IPO9: variants seen among roughly 807,000 people sequenced by gnomAD.
The protein encoded by IPO9 is importin 9.
In IPO9, 28 loss-of-function variants were observed where a neutral mutation model predicts 128.6. That is an observed-to-expected ratio of 0.22 (90% confidence interval 0.16 to 0.30). The LOEUF (loss-of-function observed/expected upper bound fraction) is 0.30, where lower values mean the gene tolerates loss of function less well. Ranked by LOEUF, IPO9 falls within the 10% of genes least tolerant of loss-of-function variation. IPO9 has a pLI of 1.00. For synonymous variants in IPO9, 455 were observed against 475.8 expected (o/e 0.96, Z 0.57); for missense variants, 935 against 1,293.9 (o/e 0.72, Z 4.26).
At chr1:201,831,223 A>G (rs1679826941) in intron 1 of IPO9, among the ~76,000 whole-genome samples, 1 of 152,192 alleles carries the variant, frequency 6.6e-6, no homozygotes. Context: ...ATTTTGATCT[A>G]AGTCACTGAT....
Position 201,876,198 on chromosome 1 carries a change from C to T in IPO9, c.*144C>T, listed in dbSNP as rs1189324612. On this transcript the variant is annotated 3_prime_UTR_variant, in exon 24 of 24. Coordinates refer to ENST00000361565, the MANE Select transcript of IPO9 (RefSeq NM_018085.5). ...TTGGCCTCGGCAGTGACACTGATGA[C>T]AATTCAGACCAGGCTCACCGGTGCC... is the stretch of plus-strand genomic sequence containing the variant. The T allele has an allele frequency of 2.7e-6, 2 of 751,232 alleles. No homozygotes were observed. The highest frequency in any genetic ancestry group is 2.8e-5 in the South Asian group (2 of 71,380). 46.5% of individuals were successfully genotyped at this position (751,232 alleles called of 1,614,324 possible). A position where few individuals can be genotyped will look rare whatever the true frequency, so the allele number is the denominator to read the frequency against.
At chr1:201,842,784 G>C (rs1680056744) in intron 1 of IPO9, among the ~76,000 whole-genome samples, 1 of 152,188 alleles carries the variant, frequency 6.6e-6, no homozygotes, top group Non-Finnish European at 1.5e-5. Flanking sequence ...GTGTCTCCCA[G>C]GGTGAGGCTG....
Position 201,876,753 on chromosome 1 carries a change from A to AG in IPO9, c.*700dup, listed in dbSNP as rs1176313901. The AG allele has an allele frequency of 4.1e-4, 33 of 79,836 alleles. No homozygotes were observed. Among genetic ancestry groups the AG allele is most frequent in the Admixed American group, 3.3e-3 (24 of 7,322 alleles). 4.9% of individuals were successfully genotyped at this position (79,836 alleles called of 1,614,324 possible). ...GATGGCAATTTGATCTTCCTTTTTT[A>AG]GAAAAAAAAAAAAAAATGGGGAAAA... On this transcript the variant is annotated 3_prime_UTR_variant, in exon 24 of 24. Transcript: ENST00000361565.
rs1346295244 is a variant in IPO9, at chr1:201,858,941, T to A, written c.1415T>A (p.Phe472Tyr). 6.2e-7 allele frequency: 1 copy of A among 1,612,848 alleles called. No individual in the cohort carries two copies. Among genetic ancestry groups the A allele is most frequent in the African/African-American group, 1.3e-5 (1 of 74,868 alleles). The change falls in exon 13 of 24, where the codon TTT becomes TAT. Residue 472 changes from phenylalanine to tyrosine, a missense_variant. Physicochemically the swap from Phe to Tyr is conservative, Grantham distance 22. Transcript: ENST00000361565. ...AGTGTGAAAAATGGCAGGATTCATT[T>A]TGACATGCATGGGTTCCTGACCAAT... is the stretch of plus-strand genomic sequence containing the variant. ...TDSVKNGRIH[F>Y]DMHGFLTNVI...
chr1:201,868,048 T>C (rs1230716721), intron 15 of IPO9, among the ~76,000 whole-genome samples: 1 of 152,224 alleles, frequency 6.6e-6, no homozygotes, highest in East Asian at 1.9e-4. Context: ...TATACTTTAA[T>C]GCACATTGCC....
Position 201,836,119 on chromosome 1 carries a change from CAAAAAAAAAAAAA to C in IPO9, c.163+6759_163+6771del, listed in dbSNP as rs34447985. 0.02 allele frequency among the ~76,000 whole-genome samples: 1,132 copies of C among 55,502 alleles called. 86 individuals are homozygous for C. In the Admixed American group the frequency reaches 0.22, roughly 11 times the overall value. The allele number at this position is 55,502 out of a possible 152,430, so 36.4% of individuals were successfully genotyped here. A position where few individuals can be genotyped will look rare whatever the true frequency, so the allele number is the denominator to read the frequency against. On this transcript the variant is annotated intron_variant, in intron 1 of 23. Coordinates refer to ENST00000361565, the MANE Select transcript of IPO9 (RefSeq NM_018085.5). The stretch of plus-strand genomic sequence containing the variant: ...TGGGTGACAGAGCAAGACTCCATCT[CAAAAAAAAAAAAA>C]AAAAAAAAAAACAGACACCAATCAG...
intron 14 of IPO9, among the ~76,000 whole-genome samples, chr1:201,864,721 A>G (rs1680517868): frequency 6.6e-6 from 1 of 152,224 alleles, no homozygotes; most frequent in Non-Finnish European, 1.5e-5. Context: ...CCTATCAGGC[A>G]TACTTACCAA....
rs925974075 is a variant in IPO9 at position 201,882,639 on chromosome 1, GGTAGCAAATGTGCT to G, written c.*6590_*6603del. The G allele has an allele frequency of 6.6e-5, 10 of 152,056 alleles. No homozygotes were observed. The highest frequency in any genetic ancestry group is 1.3e-4 in the Admixed American group (2 of 15,254). The allele number at this position is 152,056 out of a possible 1,614,324, so 9.4% of individuals were successfully genotyped here. ...TAAACCTGTGTAGAATACATGATATGGTAGCAAATGTGCTGTAGGAAGAAAAGCAATGAGGAACT... is the reference window on the plus strand; with the variant it reads ...TAAACCTGTGTAGAATACATGATATGGTAGGAAGAAAAGCAATGAGGAACT... On this transcript the variant is annotated 3_prime_UTR_variant, in exon 24 of 24. Coordinates refer to ENST00000361565, the MANE Select transcript of IPO9 (RefSeq NM_018085.5).
rs8024 is a variant in IPO9, at chr1:201,876,447, C to T, written c.*393C>T. 2 of 353,008 alleles carry T rather than the reference C, an allele frequency of 5.7e-6. No individual in the cohort carries two copies. Among genetic ancestry groups the T allele is most frequent in the African/African-American group, 2.1e-5 (1 of 46,914 alleles). The allele number at this position is 353,008 out of a possible 1,614,324, so 21.9% of individuals were successfully genotyped here. A position where few individuals can be genotyped will look rare whatever the true frequency, so the allele number is the denominator to read the frequency against. ...ACTACCATTTATATTCTAAAACAGA[C>T]CTATCTATGTTCATAGGACTTCTGA... On this transcript the variant is annotated 3_prime_UTR_variant, in exon 24 of 24. Transcript: ENST00000361565.
At chr1:201,865,938 C>G (rs752873159) in intron 14 of IPO9, among the ~76,000 whole-genome samples, 5 of 152,172 alleles carry the variant, frequency 3.3e-5, no homozygotes, top group South Asian at 2.1e-4. Context: ...CTTTGCCCCT[C>G]TAATGAACTT....
In IPO9 at chr1:201,870,178, T is replaced by C. The variant is rs1680621167; in HGVS notation, c.2134-405T>C. On this transcript the variant is annotated intron_variant, in intron 17 of 23. Transcript: ENST00000361565. This position sits in a 1 kb window ranked among gnomAD's most constrained non-coding sequence, Gnocchi z 4.9. The stretch of plus-strand genomic sequence containing the variant: ...GGTTATAGGAACTTGCCAGTGAATA[T>C]TGATCAGCTTGGAAATCCCTAGGCA... Among the ~76,000 whole-genome samples, 1 of 152,226 alleles carries C rather than the reference T, an allele frequency of 6.6e-6. No individual in the cohort carries two copies. Among genetic ancestry groups the C allele is most frequent in the African/African-American group, 2.4e-5 (1 of 41,452 alleles).
In IPO9 at chr1:201,879,970, C is replaced by G. The variant is rs1479001352; in HGVS notation, c.*3916C>G. 6.6e-6 allele frequency: 1 copy of G among 152,132 alleles called. No individual in the cohort carries two copies. The highest frequency in any genetic ancestry group is 2.4e-5 in the African/African-American group (1 of 41,422). The allele number at this position is 152,132 out of a possible 1,614,324, so 9.4% of individuals were successfully genotyped here. A position where few individuals can be genotyped will look rare whatever the true frequency, so the allele number is the denominator to read the frequency against. On this transcript the variant is annotated 3_prime_UTR_variant, in exon 24 of 24. Coordinates refer to ENST00000361565, the MANE Select transcript of IPO9 (RefSeq NM_018085.5). ...GGGAGAATCACTTGAACCTGGGAGA[C>G]AGAGGTTGCAGTGAGTCGAGATCAC...
rs1167602619 is a variant in IPO9, at chr1:201,878,133, C to T, written c.*2079C>T. On this transcript the variant is annotated 3_prime_UTR_variant, in exon 24 of 24. Transcript: ENST00000361565. ...CATGTTCACAGTCGTCCCATGCCAG[C>T]CAGGTTCTGAGGCTAACTGCTTGTG... 2 of 152,194 alleles carry T rather than the reference C, an allele frequency of 1.3e-5. No homozygotes were observed. 9.4% of individuals were successfully genotyped at this position (152,194 alleles called of 1,614,324 possible).
At chr1:201,852,833 C>A (rs1368795511) in intron 5 of IPO9, among the ~76,000 whole-genome samples, 178 bp from the exon 6 acceptor site, 3 of 152,176 alleles carry the variant, frequency 2.0e-5, no homozygotes, top group African/African-American at 7.2e-5. Flanking sequence ...ACCTTTCATT[C>A]TCTGAATTAC....
Position 201,869,709 on chromosome 1 carries a change from C to G in IPO9, c.2124C>G (p.Ala708=), listed in dbSNP as rs1680613568. 6.2e-7 allele frequency: 1 copy of G among 1,614,136 alleles called. No homozygotes were observed. Reference sequence around the variant, plus strand: ...GTACCCTTCACACAGATGACAATGCCACCATGCAGGTATCTGAGACATGGA... The same window carrying G: ...GTACCCTTCACACAGATGACAATGCGACCATGCAGGTATCTGAGACATGGA... ...AQCTLHTDDN[A]TMQNGGECLR... Residue 708 remains alanine, a synonymous_variant, in exon 17 of 24, where the codon GCC becomes GCG. Transcript: ENST00000361565.
In IPO9 at chr1:201,852,161, C is replaced by A; in HGVS notation, c.572C>A (p.Pro191Gln). 2 of 1,612,604 alleles carry A rather than the reference C, an allele frequency of 1.2e-6. No homozygotes were observed. The highest frequency in any genetic ancestry group is 1.7e-6 in the Non-Finnish European group (2 of 1,178,704). The change falls in exon 5 of 24, where the codon CCA becomes CAA. Residue 191 changes from proline to glutamine, a missense_variant. Physicochemically the swap from Pro to Gln is moderately conservative, Grantham distance 76. Coordinates refer to ENST00000361565, the MANE Select transcript of IPO9 (RefSeq NM_018085.5). ...QMPLVAPVIL[P>Q]EMYKIFTMAE... ...CCACTTGTTGCTCCTGTCATTCTCC[C>A]AGAGATGTATAAGATCTTCACCATG...
rs770267969 is a variant in IPO9, at chr1:201,854,810, C to A, written c.811-13C>A. ...TCACTCATAACTTGGGTCCTTTTCT[C>A]TTAACTTCTTAGGCAGTGACAGCCC... On this transcript the variant is annotated splice_polypyrimidine_tract_variant and intron_variant, in intron 7 of 23. Transcript: ENST00000361565. 20 of 1,603,344 alleles carry A rather than the reference C, an allele frequency of 1.2e-5. No individual in the cohort carries two copies. Among genetic ancestry groups the A allele is most frequent in the East Asian group, 4.5e-5 (2 of 44,872 alleles).
At chr1:201,869,921 T>C (rs1480799223) in intron 17 of IPO9, among the ~76,000 whole-genome samples, 1 of 152,214 alleles carries the variant, frequency 6.6e-6, no homozygotes, top group Non-Finnish European at 1.5e-5. Context: ...TTTAAAAATA[T>C]GGATACCAAG....
intron 23 of IPO9, among the ~76,000 whole-genome samples, chr1:201,875,529 G>T (rs919912950): frequency 3.3e-5 from 5 of 151,740 alleles, no homozygotes; most frequent in Non-Finnish European, 5.9e-5. Flanking sequence ...GGTCAAGGCT[G>T]CAGTGAGCTG....
Sources: gnomAD v4.1 joint callset for allele counts (sites outside exome capture counted in the v4.1 genomes callset) on GRCh38, gnomAD v4.1.1 for gene constraint, Gnocchi (gnomAD v3.1) non-coding constraint, MANE v1.5 for transcripts, NCBI Gene and HGNC (gene_info 2026-07-23, HGNC 2026-07-21) for gene names.